The following SPATA17 variants were observed in gnomAD, a reference collection of about 807,000 sequenced individuals.
SPATA17 encodes spermatogenesis-associated protein 17.
In SPATA17, 53 loss-of-function variants were observed where a neutral mutation model predicts 62.2. The observed-to-expected ratio is 0.85, with a 90% confidence interval of 0.68 to 1.07. The LOEUF (loss-of-function observed/expected upper bound fraction) is 1.07. Ranked by LOEUF, SPATA17 falls within the 50% of genes least tolerant of loss-of-function variation. SPATA17 has a pLI of 0.00. For missense variants in SPATA17, 466 were observed against 425.5 expected, an observed-to-expected ratio of 1.10 and a Z score of -0.84; for synonymous variants, 146 against 146.8, an observed-to-expected ratio of 0.99 and a Z score of 0.04.
At chr1:217,790,021 G>A (rs1673961676) in intron 8 of SPATA17, among the ~76,000 whole-genome samples, 1 of 151,612 alleles carries the variant, frequency 6.6e-6, no homozygotes, top group African/African-American at 2.4e-5. Flanking sequence ...CTGGGTGACA[G>A]AGCGAGACGC....
chr1:217,783,948 T>C (rs1673793142), intron 8 of SPATA17, among the ~76,000 whole-genome samples: 1 of 152,096 alleles, frequency 6.6e-6, no homozygotes, highest in South Asian at 2.1e-4. Flanking sequence ...TCTAAGATTT[T>C]CAACCAATCA....
intron 8 of SPATA17, among the ~76,000 whole-genome samples, chr1:217,800,588 T>C (rs1021265245): frequency 5.3e-5 from 8 of 152,212 alleles, no homozygotes; most frequent in African/African-American, 1.7e-4. Context: ...GACTTTCAGC[T>C]GTTTTCAGCT....
At chr1:217,639,938 C>A (rs899060901) in intron 1 of SPATA17, among the ~76,000 whole-genome samples, 18 of 152,130 alleles carry the variant, frequency 1.2e-4, no homozygotes, top group Non-Finnish European at 2.1e-4. Flanking sequence ...GGCCATCAAC[C>A]ATTCTATCAG....
chr1:217,650,017 G>A (rs1379433071), intron 2 of SPATA17, among the ~76,000 whole-genome samples: 3 of 141,104 alleles, frequency 2.1e-5, no homozygotes, highest in South Asian at 4.5e-4. Flanking sequence ...TCGGTTCACC[G>A]CAACCTCCGC....
chr1:217,637,925 C>T (rs151271647), intron 1 of SPATA17, among the ~76,000 whole-genome samples: 263 of 152,172 alleles, frequency 1.7e-3, no homozygotes, highest in African/African-American at 5.8e-3. Context: ...TACTTAAACT[C>T]TTTAGATATT....
intron 6 of SPATA17, among the ~76,000 whole-genome samples, chr1:217,769,124 AAG>A (rs1298854800): frequency 1.3e-5 from 2 of 152,218 alleles, no homozygotes; most frequent in Non-Finnish European, 1.5e-5. Context: ...AGATATCAAA[AAG>A]ATTGCTAAAG....
chr1:217,845,398 C>G (rs1244759706), intron 9 of SPATA17, among the ~76,000 whole-genome samples: 2 of 152,088 alleles, frequency 1.3e-5, no homozygotes, highest in African/African-American at 4.8e-5. Context: ...GGCAGCCCAA[C>G]TCACTTGCCC....
chr1:217,751,480 A>G (rs1672904941), intron 6 of SPATA17, among the ~76,000 whole-genome samples: 1 of 152,344 alleles, frequency 6.6e-6, no homozygotes, highest in East Asian at 1.9e-4. Flanking sequence ...GAATCATCAC[A>G]TAATTTGTTA....
chr1:217,635,143 AAT>A (rs1310774597), intron 1 of SPATA17, among the ~76,000 whole-genome samples: 1 of 152,218 alleles, frequency 6.6e-6, no homozygotes, highest in Non-Finnish European at 1.5e-5. Flanking sequence ...AATAAGTTAG[AAT>A]GTTCCTCTTC....
Position 217,785,829 on chromosome 1 carries a change from C to A in SPATA17, c.872+3507C>A, listed in dbSNP as rs538891530. ...CATATCTTCTTTAAAATAAACATAG[C>A]AAATAGGACAATAATAATAAAGACA... On this transcript the variant is annotated intron_variant, in intron 8 of 10. Transcript: ENST00000366933. Among the ~76,000 whole-genome samples, 26 of 152,102 alleles carry A rather than the reference C, an allele frequency of 1.7e-4. No individual in the cohort carries two copies. The East Asian group carries it at 1.7e-3, about 10-fold the overall frequency.
At chr1:217,636,579 AT>A (rs908091192) in intron 1 of SPATA17, among the ~76,000 whole-genome samples, 16 of 150,832 alleles carry the variant, frequency 1.1e-4, no homozygotes, top group Non-Finnish European at 1.5e-4. Flanking sequence ...CACCCAGCTA[AT>A]TTTTTTTTCT....
intron 5 of SPATA17, among the ~76,000 whole-genome samples, chr1:217,738,906 T>A (rs977685590): frequency 2.0e-5 from 3 of 152,176 alleles, no homozygotes; most frequent in Non-Finnish European, 4.4e-5. Flanking sequence ...GAGCTGAGAT[T>A]GTGCCACTGC....
intron 9 of SPATA17, among the ~76,000 whole-genome samples, chr1:217,803,504 C>A (rs944089769): frequency 3.3e-5 from 5 of 152,030 alleles, no homozygotes; most frequent in Admixed American, 3.3e-4. Context: ...AATAATCCCA[C>A]ATAGGAATGA....
intron 9 of SPATA17, among the ~76,000 whole-genome samples, chr1:217,858,245 T>C (rs1304532625): frequency 6.6e-6 from 1 of 152,184 alleles, no homozygotes; most frequent in Non-Finnish European, 1.5e-5. Context: ...ATCATCAAAG[T>C]CCTGTTTCAC....
chr1:217,839,477 C>G (rs1395832639), intron 9 of SPATA17, among the ~76,000 whole-genome samples: 4 of 152,044 alleles, frequency 2.6e-5, no homozygotes, highest in Non-Finnish European at 5.9e-5. Flanking sequence ...CGGTGCTTGG[C>G]ATTTTTAATG....
chr1:217,832,813 C>G (rs781367707), intron 9 of SPATA17, among the ~76,000 whole-genome samples: 1 of 151,860 alleles, frequency 6.6e-6, no homozygotes, highest in South Asian at 2.1e-4. Context: ...TGTGGCAGTG[C>G]GCATCTGTAG....
Position 217,772,941 on chromosome 1 carries a change from C to CGTTGCATTTGGGATGGGAT in SPATA17, c.520-1374_520-1356dup, listed in dbSNP as rs1558044499. Among the ~76,000 whole-genome samples, 26 of 151,944 alleles carry CGTTGCATTTGGGATGGGAT rather than the reference C, an allele frequency of 1.7e-4. No individual in the cohort carries two copies. The East Asian group carries it at 2.3e-3, about 14-fold the overall frequency. On this transcript the variant is annotated intron_variant, in intron 6 of 10. Transcript: ENST00000366933. The stretch of plus-strand genomic sequence containing the variant: ...ATAGGATGTTGCATTTGGGATAGGA[C>CGTTGCATTTGGGATGGGAT]GTTGCATTTGGGATGGGATGTTGCA...
chr1:217,834,669 TA>T (rs940552744), intron 9 of SPATA17, among the ~76,000 whole-genome samples: 3 of 152,088 alleles, frequency 2.0e-5, no homozygotes, highest in African/African-American at 4.8e-5. Context: ...AGTGAAAAGT[TA>T]AAAAAATTCA....
intron 6 of SPATA17, among the ~76,000 whole-genome samples, chr1:217,754,905 G>A (rs1394185067): frequency 6.6e-6 from 1 of 151,968 alleles, no homozygotes; most frequent in Non-Finnish European, 1.5e-5. Context: ...TTCCTAAAAT[G>A]AGCTCTTAAC....
Sources: gnomAD v4.1 joint callset for allele counts (sites outside exome capture counted in the v4.1 genomes callset) on GRCh38, gnomAD v4.1.1 for gene constraint, MANE v1.5 for transcripts, NCBI Gene and HGNC (gene_info 2026-07-23, HGNC 2026-07-21) for gene names.